Variants in CALD1 observed in about 807,000 individuals in gnomAD.
CALD1 encodes caldesmon 1, also known as caldesmon.
CALD1 carries 33 observed loss-of-function variants against 99.9 expected under a neutral mutation model. The ratio of observed to expected loss-of-function variants is 0.33; its 90% confidence interval spans 0.25 to 0.44. The LOEUF (loss-of-function observed/expected upper bound fraction) is 0.44. Among genes scored for constraint, CALD1 ranks in the 20% least tolerant of loss-of-function variants. CALD1 has a pLI of 1.00. For synonymous variants in CALD1, 310 were observed against 325.0 expected, an observed-to-expected ratio of 0.95 and a Z score of 0.50; for missense variants, 861 against 962.1, an observed-to-expected ratio of 0.89 and a Z score of 1.39.
At chr7:134,726,776 C>T in the CALD1 span, among the ~76,000 whole-genome samples, 6 of 152,074 alleles carry the variant, frequency 3.9e-5, no homozygotes, top group Non-Finnish European at 8.8e-5. Context: ...GACTTCAAAA[C>T]CAGGCTTAGA....
In CALD1 at chr7:134,928,666, A is replaced by T. The variant is rs1481912128; in HGVS notation, c.72-88A>T. 2.3e-6 allele frequency: 3 copies of T among 1,319,306 alleles called. No homozygotes were observed. In the Admixed American group the frequency reaches 7.2e-5, roughly 32 times the overall value. 81.7% of individuals were successfully genotyped at this position (1,319,306 alleles called of 1,614,324 possible). On this transcript the variant is annotated intron_variant, in intron 3 of 14. Coordinates refer to ENST00000361675, the MANE Select transcript of CALD1 (RefSeq NM_033138.4). ...TGGTTCATTAAGCAGTGAAGTTCAG[A>T]AAAGGGCTCAGGGCTGTTCCTGCCA...
At chr7:134,870,108 C>T (rs972656123) in intron 3 of CALD1, among the ~76,000 whole-genome samples, 1 of 152,130 alleles carries the variant, frequency 6.6e-6, no homozygotes, top group African/African-American at 2.4e-5. Context: ...TTTAAGTGTG[C>T]CAGGATGGGA....
At chr7:134,730,827 G>A in the CALD1 span, among the ~76,000 whole-genome samples, 1 of 152,052 alleles carries the variant, frequency 6.6e-6, no homozygotes, top group South Asian at 2.1e-4. Flanking sequence ...ATGTGCCTGG[G>A]GGTTGAGGGG....
Position 134,947,571 on chromosome 7 carries a change from C to T in CALD1, c.1596C>T (p.Ala532=), listed in dbSNP as rs989075116. ...CTGAGGGCGCCCCCCAGGTGGAAGCCGGCAAAAGGCTGGAGGAGCTTCGTC... is the reference window on the plus strand; with the variant it reads ...CTGAGGGCGCCCCCCAGGTGGAAGCTGGCAAAAGGCTGGAGGAGCTTCGTC... ...KEAEGAPQVE[A]GKRLEELRRR... Residue 532 remains alanine (A), a synonymous_variant, in exon 8 of 15, where the codon GCC becomes GCT. Transcript: ENST00000361675. 3 of 1,561,736 alleles carry T rather than the reference C, an allele frequency of 1.9e-6. No homozygotes were observed. The highest frequency in any genetic ancestry group is 1.7e-6 in the Non-Finnish European group (2 of 1,152,602).
At chr7:134,889,934 A>G (rs1802066363) in intron 3 of CALD1, among the ~76,000 whole-genome samples, 1 of 152,016 alleles carries the variant, frequency 6.6e-6, no homozygotes, top group Admixed American at 6.6e-5. Flanking sequence ...TTTGAGATGG[A>G]GTCTCACTCT....
intron 1 of CALD1, among the ~76,000 whole-genome samples, chr7:134,781,765 T>G (rs1797113690): frequency 6.6e-6 from 1 of 152,252 alleles, no homozygotes; most frequent in Non-Finnish European, 1.5e-5. Context: ...ATAGAAGGTG[T>G]AATTTAAATC....
At chr7:134,882,476 A>C (rs1314674802) in intron 3 of CALD1, among the ~76,000 whole-genome samples, 2 of 152,062 alleles carry the variant, frequency 1.3e-5, no homozygotes, top group Admixed American at 1.3e-4. Flanking sequence ...TGGCCTATTT[A>C]CTCCGGTACT....
At chr7:134,741,157 T>C (rs1316237254), upstream of CALD1, among the ~76,000 whole-genome samples, 1 of 152,196 alleles carries the variant, frequency 6.6e-6, no homozygotes, top group Non-Finnish European at 1.5e-5. Context: ...CATCTGAGAC[T>C]GGGTGATTTA....
At chr7:134,819,000 T>C (rs899890260) in intron 1 of CALD1, among the ~76,000 whole-genome samples, 6 of 152,208 alleles carry the variant, frequency 3.9e-5, no homozygotes, top group South Asian at 2.1e-4. Flanking sequence ...AAAATCCAAA[T>C]TGGCCACGCT....
At chr7:134,890,518 A>G (rs954598007) in intron 3 of CALD1, among the ~76,000 whole-genome samples, 13 of 152,110 alleles carry the variant, frequency 8.5e-5, no homozygotes, top group African/African-American at 2.9e-4. Context: ...CATTGTGGAG[A>G]TCGGATTTGT....
chr7:134,780,373 C>G (rs1277052074), intron 1 of CALD1, among the ~76,000 whole-genome samples: 4 of 151,068 alleles, frequency 2.6e-5, no homozygotes, highest in Admixed American at 1.3e-4. Flanking sequence ...ACAGAAGATG[C>G]CTAGGCTGGT....
chr7:134,885,780 C>T (rs1294875397), intron 3 of CALD1, among the ~76,000 whole-genome samples: 1 of 152,068 alleles, frequency 6.6e-6, no homozygotes, highest in Non-Finnish European at 1.5e-5. Context: ...GATTCAGTTT[C>T]TTATGGGTAG....
At chr7:134,800,551 GTTAT>G (rs1319728039) in intron 1 of CALD1, among the ~76,000 whole-genome samples, 1 of 151,728 alleles carries the variant, frequency 6.6e-6, no homozygotes, top group African/African-American at 2.4e-5. Context: ...TGTTTCTTTT[GTTAT>G]TTACTTATTA....
At chr7:134,739,128 T>A in the CALD1 span, among the ~76,000 whole-genome samples, 3 of 152,194 alleles carry the variant, frequency 2.0e-5, no homozygotes, top group Admixed American at 6.5e-5. Context: ...GGCAGAGCTT[T>A]ACTTTGAATG....
intron 3 of CALD1, chr7:134,920,811 C>G: frequency 1.6e-6 from 1 of 619,450 alleles, no homozygotes; most frequent in Non-Finnish European, 2.6e-6. Flanking sequence ...ATTTTAGGTG[C>G]AGAGTTCTTT....
intron 9 of CALD1, among the ~76,000 whole-genome samples, chr7:134,953,990 C>G (rs1276715505): frequency 1.3e-5 from 2 of 152,202 alleles, no homozygotes; most frequent in African/African-American, 4.8e-5. Flanking sequence ...CTCTGATTTT[C>G]AAGCTCAATT....
chr7:134,941,707 A>G (rs1033426692), intron 7 of CALD1, among the ~76,000 whole-genome samples: 8 of 152,200 alleles, frequency 5.3e-5, no homozygotes, highest in Admixed American at 2.6e-4. Context: ...ATACTTGGGA[A>G]ACACTGGATT....
In CALD1 at chr7:134,903,151, G is replaced by A. The variant is rs542782155; in HGVS notation, c.72-25603G>A. On this transcript the variant is annotated intron_variant, in intron 3 of 14. Coordinates refer to ENST00000361675, the MANE Select transcript of CALD1 (RefSeq NM_033138.4). ...ACAGTAAAAAGATGAGTGGTTTCTA[G>A]GCACTAGGGCAAGAAGAGAGGGATG... 5.9e-5 allele frequency among the ~76,000 whole-genome samples: 9 copies of A among 152,290 alleles called. No homozygotes were observed. The South Asian group carries it at 6.2e-4, about 11-fold the overall frequency.
intron 3 of CALD1, among the ~76,000 whole-genome samples, chr7:134,888,989 T>C (rs573874359): frequency 3.9e-5 from 6 of 152,202 alleles, no homozygotes; most frequent in African/African-American, 1.4e-4. Flanking sequence ...TTTTTTTTTC[T>C]AGGTTTTTCC....
Sources: gnomAD v4.1 joint callset for allele counts (sites outside exome capture counted in the v4.1 genomes callset) on GRCh38, gnomAD v4.1.1 for gene constraint, MANE v1.5 for transcripts, NCBI Gene and HGNC (gene_info 2026-07-23, HGNC 2026-07-21) for gene names.